The following MAN1A1 variants were observed in gnomAD, a reference collection of about 807,000 sequenced individuals.
MAN1A1 encodes the protein mannosyl-oligosaccharide 1,2-alpha-mannosidase IA.
MAN1A1 carries 29 observed loss-of-function variants against 70.8 expected under a neutral mutation model. The ratio of observed to expected loss-of-function variants is 0.41; its 90% CI spans 0.31 to 0.56. The LOEUF is 0.56. MAN1A1 is among the 20% of genes least tolerant of loss of function. The pLI is 0.29. For synonymous variants in MAN1A1, 349 were observed against 330.1 expected, an observed-to-expected ratio of 1.06 and a Z score of -0.62; for missense variants, 747 against 841.3, an observed-to-expected ratio of 0.89 and a Z score of 1.39.
chr6:119,267,844 T>G (rs1184270240), intron 5 of MAN1A1, among the ~76,000 whole-genome samples: 1 of 152,220 alleles, frequency 6.6e-6, no homozygotes, highest in Non-Finnish European at 1.5e-5. Context: ...GGCATCTCAT[T>G]TTTTCTTTTC....
chr6:119,228,109 A>G (rs949604543), intron 6 of MAN1A1, among the ~76,000 whole-genome samples: 1 of 152,228 alleles, frequency 6.6e-6, no homozygotes, highest in African/African-American at 2.4e-5. Flanking sequence ...AAAGTTAAAC[A>G]ATGTTGAAAT....
intron 6 of MAN1A1, among the ~76,000 whole-genome samples, chr6:119,244,219 T>C (rs1330804888): frequency 2.6e-5 from 4 of 152,154 alleles, no homozygotes; most frequent in South Asian, 4.1e-4. Flanking sequence ...CTGCTTCAAG[T>C]TCGAGAAAAA....
At chr6:119,234,339 C>G (rs1582720746) in intron 6 of MAN1A1, among the ~76,000 whole-genome samples, 1 of 152,104 alleles carries the variant, frequency 6.6e-6, no homozygotes, top group African/African-American at 2.4e-5. Context: ...GGAAAAGTTT[C>G]AGGAGTTTCT....
At chr6:119,318,809 G>C (rs766149357) in intron 2 of MAN1A1, among the ~76,000 whole-genome samples, 2 of 152,112 alleles carry the variant, frequency 1.3e-5, no homozygotes, top group South Asian at 2.1e-4. Flanking sequence ...CCTTTGAAAG[G>C]TATCTGTTCA....
chr6:119,311,419 A>C (rs551877667), intron 2 of MAN1A1, among the ~76,000 whole-genome samples: 26 of 152,330 alleles, frequency 1.7e-4, no homozygotes, highest in African/African-American at 6.3e-4. Flanking sequence ...AAGGAAGAGT[A>C]GAAAGGTCCT....
In MAN1A1 at chr6:119,320,433, C is replaced by A. The variant is rs181417074; in HGVS notation, c.604-13441G>T. 9.9e-5 allele frequency among the ~76,000 whole-genome samples: 15 copies of A among 151,926 alleles called. No individual in the cohort carries two copies. The East Asian group carries it at 2.9e-3, about 29-fold the overall frequency. On this transcript the variant is annotated intron_variant, in intron 2 of 12. Transcript: ENST00000368468. ...TCAAAACTGGGCTATGTACTATTGC[C>A]CCAATTTGAGAAAACAGAAGTTTTT...
At chr6:119,250,646 C>CTGTGTGTGTGTG (rs758137917) in intron 5 of MAN1A1, among the ~76,000 whole-genome samples, 12 of 103,786 alleles carry the variant, frequency 1.2e-4, no homozygotes, top group African/African-American at 4.3e-4. Context: ...CTTGTTCTCT[C>CTGTGTGTGTGTG]TCTGTGTGTG....
intron 6 of MAN1A1, among the ~76,000 whole-genome samples, chr6:119,242,078 C>T (rs1775026264): frequency 6.6e-6 from 1 of 151,408 alleles, no homozygotes; most frequent in East Asian, 1.9e-4. Context: ...CTTAGCAGAA[C>T]AGTCCAAGAA....
chr6:119,204,765 A>C lies in MAN1A1; in HGVS notation c.1110T>G (p.Ala370=), dbSNP rs202241653. 1.1e-5 allele frequency: 17 copies of C among 1,613,834 alleles called. No homozygotes were observed. The highest frequency in any genetic ancestry group is 1.4e-5 in the Non-Finnish European group (17 of 1,179,858). ...LSHLSGNPIF[A]EKVMNIRTVL... is the part of the protein sequence containing the mutation. The stretch of plus-strand genomic sequence containing the variant: ...GCACATTGAAGAATCTCACCTTTTC[A>C]GCAAAGATGGGGTTTCCTGATAAGT... Residue 370 remains alanine, a synonymous_variant, in exon 7 of 13, where the codon GCT becomes GCG. Coordinates refer to ENST00000368468, the MANE Select transcript of MAN1A1 (RefSeq NM_005907.4).
chr6:119,236,133 T>TAAAAAAAAAAATAA (rs1774837931), intron 6 of MAN1A1, among the ~76,000 whole-genome samples: 1 of 137,044 alleles, frequency 7.3e-6, no homozygotes. Context: ...AGACTCCGTC[T>TAAAAAAAAAAATAA]AAAAAAAAAA....
chr6:119,179,851 C>A lies in MAN1A1; in HGVS notation c.1930G>T (p.Asp644Tyr). Residue 644 changes from aspartate (D) to tyrosine (Y), a missense_variant, in exon 13 of 13, where the codon GAT (aspartate) becomes TAT (tyrosine). Physicochemically the swap from Asp to Tyr is radical, Grantham distance 160 (BLOSUM62 -3). Around this residue, in one of 2 missense-constraint regions of MAN1A1, gnomAD observed 419 missense variants for 548.2 expected, o/e 0.76. Transcript: ENST00000368468. Reference protein sequence around the residue: ...EAHLLPILPKDKKEVEIREE With the variant: ...EAHLLPILPKYKKEVEIREE Reference sequence around the variant, plus strand: ...TCTCTGATTTCAACTTCCTTTTTATCTTTAGGGAGGATAGGGAGAAGATGT... The same window carrying A: ...TCTCTGATTTCAACTTCCTTTTTATATTTAGGGAGGATAGGGAGAAGATGT... 1 of 1,612,994 alleles carries A rather than the reference C, an allele frequency of 6.2e-7. No homozygotes were observed.
chr6:119,205,034 G>A (rs1000244527), intron 6 of MAN1A1, 152 bp from the exon 7 acceptor site: 2 of 759,376 alleles, frequency 2.6e-6, no homozygotes, highest in African/African-American at 3.6e-5. Context: ...TGTCTTCTTT[G>A]GCTACCAGTT....
chr6:119,276,745 A>G (rs1385357724), intron 5 of MAN1A1, among the ~76,000 whole-genome samples: 1 of 152,260 alleles, frequency 6.6e-6, no homozygotes, highest in Non-Finnish European at 1.5e-5. Context: ...CACATAAGTT[A>G]GCAGTAATTT....
intron 4 of MAN1A1, among the ~76,000 whole-genome samples, chr6:119,295,327 T>C (rs902318582): frequency 5.9e-5 from 9 of 152,176 alleles, no homozygotes; most frequent in African/African-American, 2.2e-4. Flanking sequence ...TGACGTATTT[T>C]AATAGATTTC....
chr6:119,287,402 T>G (rs1048920639), intron 5 of MAN1A1, among the ~76,000 whole-genome samples: 1 of 152,178 alleles, frequency 6.6e-6, no homozygotes, highest in Admixed American at 6.6e-5. Context: ...TTTCTACATG[T>G]GTCATCTTCT....
At chr6:119,195,381 T>C (rs1381267357) in intron 8 of MAN1A1, among the ~76,000 whole-genome samples, 2 of 152,204 alleles carry the variant, frequency 1.3e-5, no homozygotes, top group Admixed American at 1.3e-4. Flanking sequence ...AGGGCTTCTA[T>C]AGGCCTTGTT....
At chr6:119,220,763 C>T (rs1273637610) in intron 6 of MAN1A1, among the ~76,000 whole-genome samples, 1 of 152,132 alleles carries the variant, frequency 6.6e-6, no homozygotes, top group Non-Finnish European at 1.5e-5. Context: ...TACAGGATGT[C>T]ATTTTTCATA....
intron 7 of MAN1A1, among the ~76,000 whole-genome samples, 183 bp downstream of exon 7, chr6:119,204,576 G>A (rs1181215253): frequency 1.3e-5 from 2 of 152,224 alleles, no homozygotes; most frequent in African/African-American, 2.4e-5. Context: ...CTAGAGTGGT[G>A]CACTGGAAAG....
intron 6 of MAN1A1, among the ~76,000 whole-genome samples, chr6:119,208,798 A>T (rs1385689368): frequency 6.6e-6 from 1 of 152,112 alleles, no homozygotes; most frequent in Non-Finnish European, 1.5e-5. Flanking sequence ...AATTAAGGTA[A>T]CTCAAGGTAC....
Sources: allele counts gnomAD v4.1 joint callset (sites outside exome capture counted in the v4.1 genomes callset), GRCh38; gene constraint gnomAD v4.1.1; regional missense constraint gnomAD v4.1.1; transcripts MANE v1.5; gene names NCBI Gene and HGNC (gene_info 2026-07-23, HGNC 2026-07-21).